Variants in SAMD5 observed in about 807,000 individuals in gnomAD.
SAMD5 encodes sterile alpha motif domain containing 5.
In SAMD5, 13 loss-of-function variants were observed where a neutral mutation model predicts 11.3. The ratio of observed to expected loss-of-function variants is 1.15; its 90% CI spans 0.75 to 1.83. SAMD5 has a LOEUF of 1.83. Among genes scored for constraint, SAMD5 ranks in the 40% most tolerant of loss-of-function variants. SAMD5 has a pLI of 0.00. For missense variants in SAMD5, 255 were observed against 239.1 expected (o/e 1.07, Z -0.44); for synonymous variants, 129 against 111.3 (o/e 1.16, Z -1.00).
At chr6:147,571,792 A>T (rs1000282189), downstream of SAMD5, among the ~76,000 whole-genome samples, 4 of 152,132 alleles carry the variant, frequency 2.6e-5, no homozygotes, top group Non-Finnish European at 5.9e-5. Context: ...CATTTAATTT[A>T]AAAAAATCCT....
At chr6:147,903,096 C>A in the SAMD5 span, among the ~76,000 whole-genome samples, 1 of 152,184 alleles carries the variant, frequency 6.6e-6, no homozygotes. Context: ...TGAGGTCAGG[C>A]CTTCAAGAGA....
In SAMD5 at chr6:147,510,071, G is replaced by A. The variant is rs1478883273; in HGVS notation, c.459+684G>A. On this transcript the variant is annotated intron_variant, in intron 1 of 1. Coordinates refer to ENST00000367474, the MANE Select transcript of SAMD5 (RefSeq NM_001030060.3). ...CCACAGGATGTGCTTCAGAGGTCTG[G>A]GCTGTCACGAGTTTGGTTTATTATT... Among the ~76,000 whole-genome samples the A allele has an allele frequency of 2.0e-5, 3 of 152,180 alleles. 1 individual carries two copies. Among genetic ancestry groups the A allele is most frequent in the Admixed American group, 2.0e-4 (3 of 15,282 alleles).
chr6:147,710,997 A>G (rs1583148867), intron 1 of SAMD5, among the ~76,000 whole-genome samples: 1 of 151,246 alleles, frequency 6.6e-6, no homozygotes, highest in East Asian at 2.0e-4. Flanking sequence ...GGAGGGAGGG[A>G]AGGAAAATAA....
At chr6:147,876,439 G>A in the SAMD5 span, among the ~76,000 whole-genome samples, 1 of 152,112 alleles carries the variant, frequency 6.6e-6, no homozygotes, top group Non-Finnish European at 1.5e-5. Flanking sequence ...CGGTCTTCAG[G>A]GATGGGGCCA....
the SAMD5 span, among the ~76,000 whole-genome samples, chr6:147,778,685 A>G: frequency 3.2e-4 from 48 of 152,164 alleles, 1 homozygote; most frequent in Non-Finnish European, 5.0e-4. Context: ...AACCTCTCCA[A>G]GTTAAACAGC....
the SAMD5 span, among the ~76,000 whole-genome samples, chr6:147,930,260 C>T: frequency 2.6e-5 from 4 of 152,130 alleles, no homozygotes; most frequent in Admixed American, 6.6e-5. Context: ...ATTTTGGTTA[C>T]AACACTTAAC....
At chr6:147,881,967 T>A in the SAMD5 span, among the ~76,000 whole-genome samples, 1 of 152,178 alleles carries the variant, frequency 6.6e-6, no homozygotes, top group Non-Finnish European at 1.5e-5. Flanking sequence ...CCGATATGAA[T>A]GCATGAGAAA....
chr6:147,630,466 T>G (rs1790132498), intron 1 of SAMD5, among the ~76,000 whole-genome samples: 1 of 152,178 alleles, frequency 6.6e-6, no homozygotes, highest in African/African-American at 2.4e-5. Context: ...GGCCGGTTCC[T>G]GCCTTAACTG....
the SAMD5 span, among the ~76,000 whole-genome samples, chr6:147,870,891 T>G: frequency 1.1e-4 from 16 of 152,084 alleles, no homozygotes; most frequent in Non-Finnish European, 2.1e-4. Flanking sequence ...TGAAATAGCA[T>G]TTCTCAGAAT....
intron 1 of SAMD5, among the ~76,000 whole-genome samples, chr6:147,724,535 A>G (rs1158368404): frequency 1.3e-5 from 2 of 152,166 alleles, no homozygotes; most frequent in Non-Finnish European, 1.5e-5. Flanking sequence ...CAGAAGTACT[A>G]TTGAACTATC....
At chr6:147,585,227 C>T (rs902677888) in intron 1 of SAMD5, among the ~76,000 whole-genome samples, 2 of 151,962 alleles carry the variant, frequency 1.3e-5, no homozygotes, top group South Asian at 2.1e-4. Flanking sequence ...GGGGTGGAAG[C>T]GAGTGGAGGA....
chr6:147,744,985 A>G, the SAMD5 span, among the ~76,000 whole-genome samples: 2 of 152,134 alleles, frequency 1.3e-5, no homozygotes, highest in African/African-American at 4.8e-5. Context: ...TACCCTAACT[A>G]AACTGTAACA....
chr6:147,736,758 A>G (rs1239437929), intron 1 of SAMD5, among the ~76,000 whole-genome samples: 1 of 152,194 alleles, frequency 6.6e-6, no homozygotes, highest in Non-Finnish European at 1.5e-5. Context: ...TTAAGCATGT[A>G]TCTTAGCATT....
chr6:147,568,216 T>C lies in SAMD5; in HGVS notation c.*3760T>C, dbSNP rs1789075112. On this transcript the variant is annotated 3_prime_UTR_variant, in exon 2 of 2. Coordinates refer to ENST00000367474, the MANE Select transcript of SAMD5 (RefSeq NM_001030060.3). Reference sequence around the variant, plus strand: ...AGATGATGGTGGATCGGCAAACTCTTTTCTATGAAAAGAAAAACCAGATAT... The same window carrying C: ...AGATGATGGTGGATCGGCAAACTCTCTTCTATGAAAAGAAAAACCAGATAT... 1 of 985,268 alleles carries C rather than the reference T, an allele frequency of 1.0e-6. No homozygotes were observed. 61.0% of individuals were successfully genotyped at this position (985,268 alleles called of 1,614,324 possible).
At chr6:147,649,732 A>G (rs1300706532) in intron 1 of SAMD5, among the ~76,000 whole-genome samples, 1 of 150,866 alleles carries the variant, frequency 6.6e-6, no homozygotes, top group Non-Finnish European at 1.5e-5. Flanking sequence ...CAGAGTTTGT[A>G]GTGAAGTGAG....
the SAMD5 span, among the ~76,000 whole-genome samples, chr6:147,914,193 G>A: frequency 7.1e-6 from 1 of 140,322 alleles, no homozygotes; most frequent in Admixed American, 7.4e-5. Context: ...ATCAGCGATC[G>A]TTAGTGTTAG....
At chr6:147,877,176 C>T in the SAMD5 span, among the ~76,000 whole-genome samples, 2 of 152,018 alleles carry the variant, frequency 1.3e-5, no homozygotes, top group Admixed American at 1.3e-4. Context: ...TCCTAGTGCA[C>T]AATACCTGGC....
chr6:147,554,339 G>A (rs1788820004), intron 1 of SAMD5, among the ~76,000 whole-genome samples: 1 of 152,142 alleles, frequency 6.6e-6, no homozygotes, highest in South Asian at 2.1e-4. Context: ...ATATCAACAT[G>A]CAAATGTGCC....
At chr6:147,590,927 A>C (rs897891410) in intron 1 of SAMD5, among the ~76,000 whole-genome samples, 1 of 152,204 alleles carries the variant, frequency 6.6e-6, no homozygotes, top group African/African-American at 2.4e-5. Flanking sequence ...TTATTTTGAC[A>C]TTGGATGTTA....
Sources: allele counts gnomAD v4.1 joint callset (sites outside exome capture counted in the v4.1 genomes callset), GRCh38; gene constraint gnomAD v4.1.1; transcripts MANE v1.5; gene names NCBI Gene and HGNC (gene_info 2026-07-23, HGNC 2026-07-21).